LHFPL5: variants seen among roughly 807,000 people sequenced by gnomAD.
The protein encoded by LHFPL5 is LHFPL tetraspan subfamily member 5, also known as LHFPL tetraspan subfamily member 5 protein.
In LHFPL5, 12 loss-of-function variants were observed where a neutral mutation model predicts 18.7. The ratio of observed to expected loss-of-function variants is 0.64; its 90% confidence interval spans 0.41 to 1.04. The LOEUF (loss-of-function observed/expected upper bound fraction) is 1.04. Ranked by LOEUF, LHFPL5 falls within the 50% of genes least tolerant of loss-of-function variation. LHFPL5 has a pLI of 0.00. For synonymous variants in LHFPL5, 111 were observed against 120.2 expected (o/e 0.92, Z 0.50); for missense variants, 259 against 292.1 (o/e 0.89, Z 0.83).
chr6:35,814,502 G>A lies in LHFPL5; in HGVS notation c.413-44G>A. On this transcript the variant is annotated intron_variant, in intron 1 of 3. Transcript: ENST00000360215. The surrounding 1 kb of genome is among the most constrained non-coding windows in gnomAD (Gnocchi z 4.2). ...CAAGGTGTGGGAGGTAGCGGGCTAG[G>A]CACACTCGGCCTGATGCCATGTGCA... is the stretch of plus-strand genomic sequence containing the variant. 1 of 1,446,412 alleles carries A rather than the reference G, an allele frequency of 6.9e-7. No individual in the cohort carries two copies. The allele number at this position is 1,446,412 out of a possible 1,614,324, so 89.6% of individuals were successfully genotyped here.
chr6:35,818,353 T>TATATA (rs1768806348), intron 2 of LHFPL5, among the ~76,000 whole-genome samples: 1 of 4,320 alleles, frequency 2.3e-4, no homozygotes, highest in African/African-American at 4.2e-4. Context: ...ATATATGTAT[T>TATATA]TTTTTTTTTT....
intron 3 of LHFPL5, among the ~76,000 whole-genome samples, chr6:35,822,727 T>A (rs1035598664): frequency 1.3e-5 from 2 of 151,276 alleles, no homozygotes; most frequent in Admixed American, 1.3e-4. Flanking sequence ...GATCTCGTGA[T>A]CCGCCCGCCT....
intron 1 of LHFPL5, among the ~76,000 whole-genome samples, chr6:35,806,458 A>G (rs938128407): frequency 1.3e-5 from 2 of 152,140 alleles, no homozygotes; most frequent in African/African-American, 4.8e-5. Context: ...GGAAGCTTCC[A>G]TTGTTGGCCA....
At chr6:35,816,479 A>G (rs1352714745) in intron 2 of LHFPL5, among the ~76,000 whole-genome samples, 6 of 152,140 alleles carry the variant, frequency 3.9e-5, no homozygotes, top group Non-Finnish European at 7.4e-5. Flanking sequence ...AAAGGCCTAG[A>G]TCCCGGATCC....
At chr6:35,813,017 T>G (rs1193487777) in intron 1 of LHFPL5, among the ~76,000 whole-genome samples, 1 of 151,900 alleles carries the variant, frequency 6.6e-6, no homozygotes, top group Non-Finnish European at 1.5e-5. Context: ...ATCGTGCCAC[T>G]GCACTCCAGC....
At chr6:35,819,647 G>T in intron 3 of LHFPL5, 184 bp downstream of exon 3, 1 of 640,270 alleles carries the variant, frequency 1.6e-6, no homozygotes, top group Non-Finnish European at 2.8e-6. Flanking sequence ...ACCCTCACTG[G>T]GGAGCAAACA....
intron 2 of LHFPL5, among the ~76,000 whole-genome samples, chr6:35,818,911 A>G (rs1338022063): frequency 6.6e-6 from 1 of 151,978 alleles, no homozygotes; most frequent in Non-Finnish European, 1.5e-5. Context: ...GGGTCACTGC[A>G]ACCTCCGCCT....
chr6:35,814,153 A>T lies in LHFPL5; in HGVS notation c.413-393A>T, dbSNP rs901579369. Among the ~76,000 whole-genome samples the T allele has an allele frequency of 6.6e-6, 1 of 152,204 alleles. No homozygotes were observed. Among genetic ancestry groups the T allele is most frequent in the Non-Finnish European group, 1.5e-5 (1 of 68,044 alleles). On this transcript the variant is annotated intron_variant, in intron 1 of 3. Coordinates refer to ENST00000360215, the MANE Select transcript of LHFPL5 (RefSeq NM_182548.4). The surrounding 1 kb of genome is among the most constrained non-coding windows in gnomAD (Gnocchi z 4.2). ...ATGTTGTAAGTACGAAGAAATGTACATCTCAGCAGTGATGAGTTCTTTGGG... is the reference window on the plus strand; with the variant it reads ...ATGTTGTAAGTACGAAGAAATGTACTTCTCAGCAGTGATGAGTTCTTTGGG...
intron 2 of LHFPL5, among the ~76,000 whole-genome samples, chr6:35,816,987 CA>C: frequency 6.6e-6 from 1 of 152,126 alleles, no homozygotes; most frequent in South Asian, 2.1e-4. Flanking sequence ...ACACCATATA[CA>C]AAAATTAACT....
intron 1 of LHFPL5, among the ~76,000 whole-genome samples, chr6:35,810,257 G>A (rs1020309406): frequency 2.6e-5 from 4 of 152,128 alleles, no homozygotes; most frequent in Admixed American, 1.3e-4. Flanking sequence ...CATCACACTG[G>A]AGGTTAGGAT....
chr6:35,806,869 G>A (rs1456348855), intron 1 of LHFPL5, among the ~76,000 whole-genome samples: 1 of 152,126 alleles, frequency 6.6e-6, no homozygotes, highest in Non-Finnish European at 1.5e-5. Flanking sequence ...TTTGGCTCAG[G>A]CTGGAGTGCA....
chr6:35,814,750 TC>T lies in LHFPL5; in HGVS notation c.619del (p.Leu207SerfsTer37), dbSNP rs1434365214. The T allele has an allele frequency of 1.9e-6, 3 of 1,613,978 alleles. No homozygotes were observed. On this transcript the variant is annotated frameshift_variant, in exon 2 of 4. Transcript: ENST00000360215. LOFTEE classifies it high-confidence loss of function. The surrounding 1 kb of genome is among the most constrained non-coding windows in gnomAD (Gnocchi z 4.2). ...GTGTTGGGCTACCGGCAGGACAAGCTCCTCCCTGACGACTACAAGGCAGATG... is the reference window on the plus strand; with the variant it reads ...GTGTTGGGCTACCGGCAGGACAAGCTCTCCCTGACGACTACAAGGCAGATG... ...AFVLGYRQDK[L>X]LPDDYKADGT... is the part of the protein sequence containing the mutation.
intron 3 of LHFPL5, among the ~76,000 whole-genome samples, chr6:35,820,438 C>G (rs893743281): frequency 2.6e-5 from 4 of 152,166 alleles, no homozygotes; most frequent in African/African-American, 7.2e-5. Flanking sequence ...CGGTGACTCA[C>G]GCCTGTAATC....
intron 2 of LHFPL5, among the ~76,000 whole-genome samples, chr6:35,818,528 A>T (rs576173331): frequency 5.1e-4 from 76 of 148,538 alleles, no homozygotes; most frequent in African/African-American, 1.8e-3. Context: ...TTGGCTTTTT[A>T]AAAAAATTTT....
intron 1 of LHFPL5, among the ~76,000 whole-genome samples, chr6:35,812,871 G>A (rs551813009): frequency 7.9e-5 from 12 of 152,172 alleles, no homozygotes; most frequent in African/African-American, 1.9e-4. Context: ...CCTGGCCAAC[G>A]TGGCAAAACC....
At chr6:35,813,792 C>CTTTTTTT (rs1012092184) in intron 1 of LHFPL5, among the ~76,000 whole-genome samples, 13 of 121,538 alleles carry the variant, frequency 1.1e-4, no homozygotes, top group African/African-American at 1.7e-4. Flanking sequence ...TTTCCTTTTC[C>CTTTTTTT]TTTTTTTTTT....
At chr6:35,817,857 C>T (rs1209755964) in intron 2 of LHFPL5, among the ~76,000 whole-genome samples, 1 of 152,156 alleles carries the variant, frequency 6.6e-6, no homozygotes, top group Non-Finnish European at 1.5e-5. Flanking sequence ...ATTGGGTGTA[C>T]ACACAAGAAA....
In LHFPL5 at chr6:35,805,893, T is replaced by C; in HGVS notation, c.223T>C (p.Ser75Pro). ...FSYCVGNVLS[S>P]ELICKGGPLD... ...CTACTGCGTGGGTAACGTGCTGTCC[T>C]CCGAGCTCATCTGCAAGGGCGGCCC... is the stretch of plus-strand genomic sequence containing the variant. Residue 75 changes from serine to proline, a missense_variant, in exon 1 of 4, where the codon TCC becomes CCC. Physicochemically the swap from Ser to Pro is moderately conservative, Grantham distance 74. Coordinates refer to ENST00000360215, the MANE Select transcript of LHFPL5 (RefSeq NM_182548.4). The surrounding 1 kb of genome is among the most constrained non-coding windows in gnomAD (Gnocchi z 4.3). The C allele has an allele frequency of 6.2e-7, 1 of 1,614,222 alleles. No individual in the cohort carries two copies. Among genetic ancestry groups the C allele is most frequent in the South Asian group, 1.1e-5 (1 of 91,080 alleles).
chr6:35,813,944 G>A (rs1768715199), intron 1 of LHFPL5, among the ~76,000 whole-genome samples: 1 of 151,984 alleles, frequency 6.6e-6, no homozygotes, highest in African/African-American at 2.4e-5. Flanking sequence ...TCACAGGCAT[G>A]TACCACCACT....
Sources: allele counts gnomAD v4.1 joint callset (sites outside exome capture counted in the v4.1 genomes callset), GRCh38; gene constraint gnomAD v4.1.1; non-coding constraint Gnocchi (gnomAD v3.1); transcripts MANE v1.5; gene names NCBI Gene and HGNC (gene_info 2026-07-23, HGNC 2026-07-21).